Variants in HEPACAM observed in about 807,000 individuals in gnomAD.
HEPACAM encodes the protein hepatic and glial cell adhesion molecule.
HEPACAM carries 18 observed loss-of-function variants against 38.3 expected under a neutral mutation model. That is an observed-to-expected ratio of 0.47 (90% CI 0.33 to 0.70). The LOEUF (loss-of-function observed/expected upper bound fraction) is 0.70. Ranked by LOEUF, HEPACAM falls within the 30% of genes least tolerant of loss-of-function variation. HEPACAM has a pLI of 0.03. For synonymous variants in HEPACAM, 216 were observed against 243.1 expected, an observed-to-expected ratio of 0.89 and a Z score of 1.04; for missense variants, 466 against 563.0, an observed-to-expected ratio of 0.83 and a Z score of 1.74.
At position 124,920,574 on chromosome 11, in the gene HEPACAM, C is replaced by A; in HGVS notation, c.*564G>T. On this transcript the variant is annotated 3_prime_UTR_variant, in exon 7 of 7. Coordinates refer to ENST00000298251, the MANE Select transcript of HEPACAM (RefSeq NM_152722.5). ...GAAGAAGGCCTTCACAATGATCCCC[C>A]CAGCTCAGAACAGCCCCTGCACACC... The A allele has an allele frequency of 1.5e-6, 2 of 1,308,808 alleles. No individual in the cohort carries two copies. The highest frequency in any genetic ancestry group is 2.0e-6 in the Non-Finnish European group (2 of 1,007,832). The allele number at this position is 1,308,808 out of a possible 1,614,324, so 81.1% of individuals were successfully genotyped here.
rs1947123979 is a variant in HEPACAM at position 124,920,953 on chromosome 11, C to G, written c.*185G>C. 7.3e-7 allele frequency: 1 copy of G among 1,368,460 alleles called. No individual in the cohort carries two copies. The highest frequency in any genetic ancestry group is 9.4e-7 in the Non-Finnish European group (1 of 1,064,804). 84.8% of individuals were successfully genotyped at this position (1,368,460 alleles called of 1,614,324 possible). ...ATGCGACCCGGTTTCACCATATCAA[C>G]ACTGCCGCCTCCGCGCACCCGCCTC... On this transcript the variant is annotated 3_prime_UTR_variant, in exon 7 of 7. Transcript: ENST00000298251.
intron 1 of HEPACAM, among the ~76,000 whole-genome samples, chr11:124,931,325 A>T (rs759987284): frequency 6.6e-6 from 1 of 152,136 alleles, no homozygotes; most frequent in East Asian, 1.9e-4. Flanking sequence ...CTCTTGTCTC[A>T]ACCTCCCAAG....
At chr11:124,922,940 G>A (rs1947160129) in intron 4 of HEPACAM, 122 bp from the exon 5 acceptor site, 1 of 989,682 alleles carries the variant, frequency 1.0e-6, no homozygotes, top group Non-Finnish European at 1.6e-6. Flanking sequence ...GATGGGCTGG[G>A]TACAGTTCAT....
rs146775334 is a variant in HEPACAM at position 124,931,989 on chromosome 11, A to G, written c.85+3933T>C. Among the ~76,000 whole-genome samples the G allele has an allele frequency of 1.7e-4, 26 of 152,370 alleles. No individual in the cohort carries two copies. In the East Asian group the frequency reaches 3.7e-3, roughly 21 times the overall value. On this transcript the variant is annotated intron_variant, in intron 1 of 6. Transcript: ENST00000298251. ...TGTTCAGACATAGAAGACTGAATAC[A>G]TATGATACCACTTATAGAAAGACAT...
intron 1 of HEPACAM, among the ~76,000 whole-genome samples, chr11:124,935,448 T>C (rs1054452656): frequency 2.0e-5 from 3 of 152,142 alleles, no homozygotes; most frequent in African/African-American, 7.2e-5. Flanking sequence ...TAGGTGGGTA[T>C]GACTATCCCA....
chr11:124,920,235 T>C lies in HEPACAM; in HGVS notation c.*903A>G. The C allele has an allele frequency of 1.1e-6, 1 of 895,822 alleles. No individual in the cohort carries two copies. The highest frequency in any genetic ancestry group is 1.7e-6 in the Non-Finnish European group (1 of 592,444). 55.5% of individuals were successfully genotyped at this position (895,822 alleles called of 1,614,324 possible). The stretch of plus-strand genomic sequence containing the variant: ...GAGGACAATGATTGTTTGAAAGGCT[T>C]GTTTTGTAAGGAAGCCAGGAGGAAT... On this transcript the variant is annotated 3_prime_UTR_variant, in exon 7 of 7. Coordinates refer to ENST00000298251, the MANE Select transcript of HEPACAM (RefSeq NM_152722.5).
chr11:124,927,624 C>T (rs563659406), intron 1 of HEPACAM, among the ~76,000 whole-genome samples: 82 of 151,160 alleles, frequency 5.4e-4, no homozygotes, highest in African/African-American at 1.7e-3. Context: ...CCGTGTTGGC[C>T]TCCCAAAGTG....
At position 124,921,563 on chromosome 11, in the gene HEPACAM, T is replaced by A; in HGVS notation, c.949-123A>T. On this transcript the variant is annotated intron_variant, in intron 6 of 6. Coordinates refer to ENST00000298251, the MANE Select transcript of HEPACAM (RefSeq NM_152722.5). This position sits in a 1 kb window ranked among gnomAD's most constrained non-coding sequence, Gnocchi z 4.6. ...AGTTTCCCTCTGCACGCCCACCTCC[T>A]GGAAGGCTGCAGACAGGTCTGGTTT... 2 of 547,462 alleles carry A rather than the reference T, an allele frequency of 3.7e-6. No homozygotes were observed. Among genetic ancestry groups the A allele is most frequent in the Non-Finnish European group, 5.5e-6 (2 of 364,132 alleles). 33.9% of individuals were successfully genotyped at this position (547,462 alleles called of 1,614,324 possible). A position where few individuals can be genotyped will look rare whatever the true frequency, so the allele number is the denominator to read the frequency against.
At position 124,919,431 on chromosome 11, in the gene HEPACAM, C is replaced by T; in HGVS notation, c.*1707G>A. On this transcript the variant is annotated 3_prime_UTR_variant, in exon 7 of 7. Coordinates refer to ENST00000298251, the MANE Select transcript of HEPACAM (RefSeq NM_152722.5). ...AAGCTGGCCCCTCAGGGATTCAGCA[C>T]CAGGGTATGGCATGTTCTCATCTCA... The T allele has an allele frequency of 3.3e-6, 1 of 306,476 alleles. No homozygotes were observed. Among genetic ancestry groups the T allele is most frequent in the African/African-American group, 2.1e-5 (1 of 47,336 alleles). 19.0% of individuals were successfully genotyped at this position (306,476 alleles called of 1,614,324 possible).
intron 1 of HEPACAM, among the ~76,000 whole-genome samples, chr11:124,931,832 G>C (rs932876021): frequency 6.6e-6 from 1 of 152,188 alleles, no homozygotes. Context: ...TGGTTGGATT[G>C]GTTTGGAAAC....
rs1565335668 is a variant in HEPACAM, at chr11:124,919,603, C to T, written c.*1535G>A. On this transcript the variant is annotated 3_prime_UTR_variant, in exon 7 of 7. Coordinates refer to ENST00000298251, the MANE Select transcript of HEPACAM (RefSeq NM_152722.5). ...GCACCTGGGAAGTTTAGGGGAGCTG[C>T]GAAGGCACACCTGCTCAAATGAGCC... 8 of 850,312 alleles carry T rather than the reference C, an allele frequency of 9.4e-6. No individual in the cohort carries two copies. In the African/African-American group the frequency reaches 1.0e-4, roughly 11 times the overall value. The allele number at this position is 850,312 out of a possible 1,614,324, so 52.7% of individuals were successfully genotyped here. A position where few individuals can be genotyped will look rare whatever the true frequency, so the allele number is the denominator to read the frequency against.
chr11:124,921,613 A>G lies in HEPACAM; in HGVS notation c.949-173T>C, dbSNP rs541262373. On this transcript the variant is annotated intron_variant, in intron 6 of 6. Transcript: ENST00000298251. The surrounding 1 kb of genome is among the most constrained non-coding windows in gnomAD (Gnocchi z 4.6). ...TTCCTGGCGATATTCCACACTGAGC[A>G]TGGGGCCTCCTAGCACATAATAGGT... Among the ~76,000 whole-genome samples the G allele has an allele frequency of 5.9e-5, 9 of 152,308 alleles. No homozygotes were observed. The highest frequency in any genetic ancestry group is 1.7e-4 in the African/African-American group (7 of 41,574).
At position 124,924,972 on chromosome 11, in the gene HEPACAM, G is replaced by C. The variant is rs775806422; in HGVS notation, c.183C>G (p.Ser61Arg). The change falls in exon 2 of 7, where the codon AGC (serine) becomes AGG (arginine). Residue 61 changes from serine (S) to arginine (R), a missense_variant. Transcript: ENST00000298251. The surrounding 1 kb of genome is among the most constrained non-coding windows in gnomAD (Gnocchi z 4.4). Reference protein sequence around the residue: ...ALLSVQYSSTSSDRPVVKWQL... With the variant: ...ALLSVQYSSTRSDRPVVKWQL... ...GCCACTTCACTACAGGCCTGTCGCTGCTGGTACTGCTGTACTGCACAGAAA... is the reference window on the plus strand; with the variant it reads ...GCCACTTCACTACAGGCCTGTCGCTCCTGGTACTGCTGTACTGCACAGAAA... The C allele has an allele frequency of 6.2e-7, 1 of 1,613,940 alleles. No homozygotes were observed. The highest frequency in any genetic ancestry group is 1.3e-5 in the African/African-American group (1 of 74,924).
chr11:124,921,244 G>C lies in HEPACAM; in HGVS notation c.1145C>G (p.Pro382Arg). 4.8e-6 allele frequency: 7 copies of C among 1,456,276 alleles called. No individual in the cohort carries two copies. The highest frequency in any genetic ancestry group is 5.4e-6 in the Non-Finnish European group (6 of 1,109,738). 90.2% of individuals were successfully genotyped at this position (1,456,276 alleles called of 1,614,324 possible). A position where few individuals can be genotyped will look rare whatever the true frequency, so the allele number is the denominator to read the frequency against. The stretch of plus-strand genomic sequence containing the variant: ...GCTGCGCGAGCGGCCGGGCGAGCTC[G>C]GGGCCCTGGGCGGCGACGAGTGTGT... The part of the protein sequence containing the change: ...GRTHSSPPRA[P>R]SSPGRSRSAS... The change falls in exon 7 of 7, where the codon CCG becomes CGG. Residue 382 changes from proline (P) to arginine (R), a missense_variant. Physicochemically the swap from Pro to Arg is moderately radical, Grantham distance 103 (BLOSUM62 -2). Coordinates refer to ENST00000298251, the MANE Select transcript of HEPACAM (RefSeq NM_152722.5). This position sits in a 1 kb window ranked among gnomAD's most constrained non-coding sequence, Gnocchi z 4.6.
Position 124,921,034 on chromosome 11 carries a change from C to A in HEPACAM, c.*104G>T. 1 of 1,407,238 alleles carries A rather than the reference C, an allele frequency of 7.1e-7. No individual in the cohort carries two copies. Among genetic ancestry groups the A allele is most frequent in the South Asian group, 1.5e-5 (1 of 67,662 alleles). 87.2% of individuals were successfully genotyped at this position (1,407,238 alleles called of 1,614,324 possible). A position where few individuals can be genotyped will look rare whatever the true frequency, so the allele number is the denominator to read the frequency against. On this transcript the variant is annotated 3_prime_UTR_variant, in exon 7 of 7. Coordinates refer to ENST00000298251, the MANE Select transcript of HEPACAM (RefSeq NM_152722.5). The surrounding 1 kb of genome is among the most constrained non-coding windows in gnomAD (Gnocchi z 4.6). ...CGAGACACCAGCGCCCCCCCGGGACCTCCCCTCGTCCCCAGCGCGCCGCGC... is the reference window on the plus strand; with the variant it reads ...CGAGACACCAGCGCCCCCCCGGGACATCCCCTCGTCCCCAGCGCGCCGCGC...
intron 1 of HEPACAM, among the ~76,000 whole-genome samples, chr11:124,930,329 C>T (rs1200860455): frequency 6.6e-6 from 1 of 151,790 alleles, no homozygotes; most frequent in African/African-American, 2.4e-5. Context: ...GTTGGGGCTG[C>T]CGTGTTGTAT....
intron 1 of HEPACAM, among the ~76,000 whole-genome samples, chr11:124,933,476 T>C (rs549841786): frequency 1.3e-5 from 2 of 152,302 alleles, no homozygotes; most frequent in South Asian, 4.1e-4. Flanking sequence ...CGGCCACATT[T>C]AGAATGTTTT....
chr11:124,922,139 C>A (rs866530753), intron 6 of HEPACAM, among the ~76,000 whole-genome samples: 3 of 152,178 alleles, frequency 2.0e-5, no homozygotes, highest in Non-Finnish European at 4.4e-5. Context: ...ATTGAGCATG[C>A]GAGGGATCTA....
intron 1 of HEPACAM, among the ~76,000 whole-genome samples, chr11:124,931,771 A>G (rs1366328140): frequency 6.6e-6 from 1 of 152,240 alleles, no homozygotes; most frequent in African/African-American, 2.4e-5. Flanking sequence ...GTACTATAAT[A>G]GGATGTATAA....
Sources: gnomAD v4.1 joint callset for allele counts (sites outside exome capture counted in the v4.1 genomes callset) on GRCh38, gnomAD v4.1.1 for gene constraint, Gnocchi (gnomAD v3.1) non-coding constraint, MANE v1.5 for transcripts, NCBI Gene and HGNC (gene_info 2026-07-23, HGNC 2026-07-21) for gene names.